Variants in PRICKLE2 observed in about 807,000 individuals in gnomAD.
The protein encoded by PRICKLE2 is prickle-like protein 2.
In PRICKLE2, 21 loss-of-function variants were observed where a neutral mutation model predicts 81.4. That is an observed-to-expected ratio of 0.26 (90% CI 0.18 to 0.37). PRICKLE2 has a LOEUF of 0.37. Ranked by LOEUF, PRICKLE2 falls within the 10% of genes least tolerant of loss-of-function variation. The probability of loss-of-function intolerance (pLI) is 1.00; values close to 1 mark genes in which losing one functional copy is unlikely to be tolerated. For missense variants in PRICKLE2, 940 were observed against 1,109.0 expected, an observed-to-expected ratio of 0.85 and a Z score of 2.16; for synonymous variants, 456 against 421.5, an observed-to-expected ratio of 1.08 and a Z score of -1.00.
chr3:64,247,606 C>T (rs2079377053), intron 2 of PRICKLE2, among the ~76,000 whole-genome samples: 2 of 152,128 alleles, frequency 1.3e-5, no homozygotes, highest in South Asian at 4.1e-4. Context: ...AAATTTCCTT[C>T]CTTTTACTTA....
intron 2 of PRICKLE2, among the ~76,000 whole-genome samples, chr3:64,172,280 G>C (rs532599443): frequency 6.6e-6 from 1 of 152,180 alleles, no homozygotes; most frequent in Non-Finnish European, 1.5e-5. Context: ...GATTGTCTAC[G>C]CATTTGCGTA....
At chr3:64,247,228 T>C (rs1269953633) in intron 2 of PRICKLE2, among the ~76,000 whole-genome samples, 4 of 152,138 alleles carry the variant, frequency 2.6e-5, no homozygotes, top group African/African-American at 9.7e-5. Context: ...TATCATACTT[T>C]TTCCCCATTT....
intron 2 of PRICKLE2, among the ~76,000 whole-genome samples, chr3:64,173,018 A>G (rs1295467644): frequency 3.9e-5 from 6 of 152,198 alleles, no homozygotes; most frequent in Middle Eastern, 3.2e-3. Flanking sequence ...GTTATCTGTG[A>G]TACGCAAGTG....
chr3:64,261,060 C>T (rs1049362984), intron 2 of PRICKLE2, among the ~76,000 whole-genome samples: 8 of 152,164 alleles, frequency 5.3e-5, no homozygotes, highest in South Asian at 4.1e-4. Context: ...ACTCATGCCT[C>T]ACTTGTACAG....
At chr3:64,234,559 G>A (rs564922672) in intron 2 of PRICKLE2, among the ~76,000 whole-genome samples, 13 of 152,280 alleles carry the variant, frequency 8.5e-5, no homozygotes, top group Non-Finnish European at 1.9e-4. Context: ...CTGGGAACAT[G>A]TCCCTTATTA....
At chr3:64,251,204 C>T (rs1483779408) in intron 2 of PRICKLE2, among the ~76,000 whole-genome samples, 2 of 152,186 alleles carry the variant, frequency 1.3e-5, no homozygotes, top group South Asian at 2.1e-4. Context: ...AAAGGCTTAG[C>T]AATATAAGGC....
At chr3:64,172,087 T>C (rs531087425) in intron 2 of PRICKLE2, among the ~76,000 whole-genome samples, 1 of 152,374 alleles carries the variant, frequency 6.6e-6, no homozygotes, top group East Asian at 1.9e-4. Context: ...ATTTAGAATA[T>C]TAAACTTCAA....
At position 64,092,704 on chromosome 3, in the gene PRICKLE2, T is replaced by C. The variant is rs1188289250; in HGVS notation, c.*6347A>G. ...CAAACACAAATATTTTTGGGTCATCTGCTGCTTTCAATTCTTGCTAATAAC... is the reference window on the plus strand; with the variant it reads ...CAAACACAAATATTTTTGGGTCATCCGCTGCTTTCAATTCTTGCTAATAAC... On this transcript the variant is annotated 3_prime_UTR_variant, in exon 8 of 8. Transcript: ENST00000638394. 1 of 152,210 alleles carries C rather than the reference T, an allele frequency of 6.6e-6. No individual in the cohort carries two copies. Among genetic ancestry groups the C allele is most frequent in the Non-Finnish European group, 1.5e-5 (1 of 68,042 alleles). The allele number at this position is 152,210 out of a possible 1,614,324, so 9.4% of individuals were successfully genotyped here.
intron 1 of PRICKLE2, among the ~76,000 whole-genome samples, chr3:64,205,116 A>AC (rs1575664320): frequency 6.6e-6 from 1 of 151,062 alleles, no homozygotes; most frequent in African/African-American, 2.4e-5. Context: ...AAAAAAAAAA[A>AC]CATACAAAGG....
Position 64,157,171 on chromosome 3 carries a change from G to C in PRICKLE2, c.591C>G (p.Ala197=). 6.2e-7 allele frequency: 1 copy of C among 1,614,030 alleles called. No individual in the cohort carries two copies. The highest frequency in any genetic ancestry group is 1.1e-5 in the South Asian group (1 of 91,074). The change falls in exon 5 of 8, where the codon GCC becomes GCG. Residue 197 remains alanine, a synonymous_variant. Coordinates refer to ENST00000638394, the MANE Select transcript of PRICKLE2 (RefSeq NM_198859.4). ...HAECLKPRCA[A]CDEIIFADEC... is the part of the protein sequence containing the mutation. ...TGGAGTTTGCTCTAACCTCATCGCA[G>C]GCAGCACAGCGCGGCTTCAGGCACT...
intron 7 of PRICKLE2, chr3:64,102,981 T>A (rs1258466873): frequency 6.6e-6 from 1 of 152,196 alleles, no homozygotes; most frequent in African/African-American, 2.4e-5. Flanking sequence ...TGTGTGTGCA[T>A]GCATGTGAAC....
chr3:64,254,394 A>G (rs1452546234), intron 2 of PRICKLE2, among the ~76,000 whole-genome samples: 1 of 152,168 alleles, frequency 6.6e-6, no homozygotes, highest in African/African-American at 2.4e-5. Flanking sequence ...CTGTCTCCCA[A>G]GGCGACAGAC....
Position 64,153,332 on chromosome 3 carries a change from G to A in PRICKLE2, c.637C>T (p.Arg213Ter), listed in dbSNP as rs753970642. Residue 213 changes from arginine to a stop codon, truncating the protein, a stop_gained, in exon 6 of 8, where the codon CGA becomes TGA. Coordinates refer to ENST00000638394, the MANE Select transcript of PRICKLE2 (RefSeq NM_198859.4). LOFTEE classifies it high-confidence loss of function. ...FADECTEAEG[R>*]HWHMKHFCCF... ...CAAAAGTGTTTCATGTGCCAGTGTCGCCCCTCAGCTTCTGTGCATTCATCT... is the reference window on the plus strand; with the variant it reads ...CAAAAGTGTTTCATGTGCCAGTGTCACCCCTCAGCTTCTGTGCATTCATCT... 2 of 1,614,050 alleles carry A rather than the reference G, an allele frequency of 1.2e-6. No homozygotes were observed. Among genetic ancestry groups the A allele is most frequent in the Admixed American group, 1.7e-5 (1 of 60,020 alleles).
chr3:64,140,801 A>G (rs1020285924), intron 7 of PRICKLE2, among the ~76,000 whole-genome samples: 6 of 152,192 alleles, frequency 3.9e-5, no homozygotes, highest in African/African-American at 1.4e-4. Context: ...TGGCATTCAC[A>G]GCTGTGCTCG....
intron 7 of PRICKLE2, chr3:64,145,370 C>G (rs1027597802): frequency 6.8e-6 from 1 of 147,898 alleles, no homozygotes; most frequent in Non-Finnish European, 1.5e-5. Flanking sequence ...TATACACACG[C>G]TATATATTTT....
intron 2 of PRICKLE2, among the ~76,000 whole-genome samples, chr3:64,238,637 C>T (rs994949447): frequency 6.6e-6 from 1 of 152,148 alleles, no homozygotes; most frequent in Non-Finnish European, 1.5e-5. Flanking sequence ...CTCTGGATAA[C>T]AGGCACTGTG....
At chr3:64,159,907 A>G (rs1212087018) in intron 4 of PRICKLE2, 33 bp downstream of exon 4, 2 of 1,613,568 alleles carry the variant, frequency 1.2e-6, no homozygotes, top group Admixed American at 1.7e-5. Flanking sequence ...ATGCCAGAAC[A>G]ATGCCTCTTC....
At chr3:64,122,226 C>A (rs1289344149) in intron 7 of PRICKLE2, among the ~76,000 whole-genome samples, 1 of 152,060 alleles carries the variant, frequency 6.6e-6, no homozygotes, top group South Asian at 2.1e-4. Context: ...GAAAGAGAAA[C>A]CTAAACCCAA....
intron 2 of PRICKLE2, among the ~76,000 whole-genome samples, chr3:64,234,647 A>C (rs570892232): frequency 1.1e-4 from 16 of 152,200 alleles, no homozygotes; most frequent in African/African-American, 3.6e-4. Context: ...AAGCATAAAG[A>C]TTTCTAATTT....
Sources: allele counts gnomAD v4.1 joint callset (sites outside exome capture counted in the v4.1 genomes callset), GRCh38; gene constraint gnomAD v4.1.1; transcripts MANE v1.5; gene names NCBI Gene and HGNC (gene_info 2026-07-23, HGNC 2026-07-21).